The following GNPTAB variants were observed in gnomAD, a reference collection of about 807,000 sequenced individuals.
The protein encoded by GNPTAB is N-acetylglucosamine-1-phosphate transferase subunits alpha and beta.
A neutral mutation model predicts 136.6 loss-of-function variants in GNPTAB; 92 were observed. The observed-to-expected ratio is 0.67, with a 90% CI of 0.57 to 0.80. GNPTAB has a LOEUF of 0.80. Among genes scored for constraint, GNPTAB ranks in the 30% least tolerant of loss-of-function variants. GNPTAB has a pLI of 0.00. For synonymous variants in GNPTAB, 512 were observed against 535.1 expected (o/e 0.96, Z 0.60); for missense variants, 1,343 against 1,501.8 (o/e 0.89, Z 1.75).
chr12:101,794,428 C>T (rs1221880841), intron 2 of GNPTAB, among the ~76,000 whole-genome samples: 4 of 151,798 alleles, frequency 2.6e-5, no homozygotes, highest in South Asian at 2.1e-4. Flanking sequence ...GTAAGAGGAT[C>T]GCTTGAAGTC....
chr12:101,810,491 T>C (rs1327126359), intron 1 of GNPTAB: 1 of 145,636 alleles, frequency 6.9e-6, no homozygotes, highest in East Asian at 2.1e-4. Flanking sequence ...TAAATCCACA[T>C]TCTTTCTTTT....
chr12:101,815,931 A>G (rs1870493662), intron 1 of GNPTAB, among the ~76,000 whole-genome samples: 1 of 152,264 alleles, frequency 6.6e-6, no homozygotes, highest in Admixed American at 6.5e-5. Flanking sequence ...AAAAGTGCCA[A>G]GAACATACGA....
chr12:101,755,991 G>T (rs1952895550), intron 18 of GNPTAB, among the ~76,000 whole-genome samples: 1 of 152,132 alleles, frequency 6.6e-6, no homozygotes, highest in Non-Finnish European at 1.5e-5. Context: ...ATGACGGAGA[G>T]AACTCATCAA....
chr12:101,794,091 C>T (rs1160788283), intron 2 of GNPTAB, among the ~76,000 whole-genome samples: 1 of 152,162 alleles, frequency 6.6e-6, no homozygotes, highest in East Asian at 1.9e-4. Context: ...GATGTGCCCA[C>T]CTTGGCCTCC....
chr12:101,824,437 C>CT (rs757768467), intron 1 of GNPTAB, among the ~76,000 whole-genome samples: 6,525 of 46,960 alleles, frequency 0.14, 703 homozygotes, highest in African/African-American at 0.21. Flanking sequence ...TATATATTTT[C>CT]TTTTTTTTTT....
At chr12:101,757,831 A>G (rs921568466) in intron 16 of GNPTAB, among the ~76,000 whole-genome samples, 174 bp from the exon 17 acceptor site, 23 of 152,300 alleles carry the variant, frequency 1.5e-4, no homozygotes, top group Non-Finnish European at 3.4e-4. Flanking sequence ...CTGGCAAACA[A>G]TTACTACCAT....
intron 1 of GNPTAB, among the ~76,000 whole-genome samples, chr12:101,808,717 C>A (rs1328053349): frequency 6.6e-6 from 1 of 152,112 alleles, no homozygotes; most frequent in African/African-American, 2.4e-5. Flanking sequence ...GAGGCTGAGG[C>A]GAGTGGATCA....
At chr12:101,786,281 T>G in intron 4 of GNPTAB, 64 bp from the exon 5 acceptor site, 1 of 1,288,692 alleles carries the variant, frequency 7.8e-7, no homozygotes, top group Non-Finnish European at 1.1e-6. Flanking sequence ...ATGAGAAGCT[T>G]GTCATACTAC....
At chr12:101,828,434 C>A (rs886721521) in intron 1 of GNPTAB, among the ~76,000 whole-genome samples, 6 of 152,104 alleles carry the variant, frequency 3.9e-5, no homozygotes, top group African/African-American at 1.4e-4. Flanking sequence ...CCAAAGCAAG[C>A]GAATCATGAG....
rs367581012 is a variant in GNPTAB at position 101,815,965 on chromosome 12, T to A, written c.117+14594A>T. Among the ~76,000 whole-genome samples the A allele has an allele frequency of 2.6e-5, 4 of 152,288 alleles. No individual in the cohort carries two copies. The South Asian group carries it at 8.3e-4, about 32-fold the overall frequency. ...GATGGGGAAAGGACAGTCTCTTTAA[T>A]ACATGGTGCTGGGAAAAAGGATTTC... On this transcript the variant is annotated intron_variant, in intron 1 of 20. Coordinates refer to ENST00000299314, the MANE Select transcript of GNPTAB (RefSeq NM_024312.5).
chr12:101,771,815 G>A (rs945029293), intron 7 of GNPTAB, among the ~76,000 whole-genome samples: 4 of 152,110 alleles, frequency 2.6e-5, no homozygotes, highest in African/African-American at 9.7e-5. Context: ...AATGATTTTT[G>A]ACTTCTTTGC....
chr12:101,758,516 C>CACT (rs1366798830), intron 16 of GNPTAB, among the ~76,000 whole-genome samples: 13 of 152,254 alleles, frequency 8.5e-5, no homozygotes, highest in African/African-American at 3.1e-4. Flanking sequence ...CTGCTAATCC[C>CACT]ACTAGAGCAA....
In GNPTAB at chr12:101,766,186, T is replaced by A. The variant is rs776297380; in HGVS notation, c.1517A>T (p.Asn506Ile). 4 of 1,614,080 alleles carry A rather than the reference T, an allele frequency of 2.5e-6. No individual in the cohort carries two copies. The highest frequency in any genetic ancestry group is 1.6e-4 in the Middle Eastern group (1 of 6,062). The change falls in exon 12 of 21, where the codon AAT (asparagine) becomes ATT (isoleucine). Residue 506 changes from asparagine to isoleucine, a missense_variant. Physicochemically the swap from Asn to Ile is moderately radical, Grantham distance 149. Coordinates refer to ENST00000299314, the MANE Select transcript of GNPTAB (RefSeq NM_024312.5). ...GGGINSVSYCNQGCANSWLAD... is the reference protein window; with the variant it reads ...GGGINSVSYCIQGCANSWLAD... ...GAGCCAGGAATTCGCACATCCCTGA[T>A]TACAGTAAGAGACACTGTTTATTCC... is the stretch of plus-strand genomic sequence containing the variant.
chr12:101,801,538 TCAAAAAAA>T (rs1869626143), intron 1 of GNPTAB, among the ~76,000 whole-genome samples: 1 of 9,194 alleles, frequency 1.1e-4, no homozygotes, highest in African/African-American at 5.8e-4. Flanking sequence ...AGACCCTGTC[TCAAAAAAA>T]AAAAAAAAAA....
At position 101,771,246 on chromosome 12, in the gene GNPTAB, CT is replaced by C. The variant is rs367687458; in HGVS notation, c.772-90del. On this transcript the variant is annotated intron_variant, in intron 7 of 20. Coordinates refer to ENST00000299314, the MANE Select transcript of GNPTAB (RefSeq NM_024312.5). ...TTCCCACTCTGCTCTTTAATCTTTC[CT>C]TTTTTTTTTTTTTTTGAGACACAGT... The C allele has an allele frequency of 0.15, 120,582 of 811,676 alleles. 35 individuals are homozygous for C. The highest frequency in any genetic ancestry group is 0.17 in the South Asian group (9,243 of 55,288). The allele number at this position is 811,676 out of a possible 1,614,324, so 50.3% of individuals were successfully genotyped here.
At position 101,790,039 on chromosome 12, in the gene GNPTAB, C is replaced by T. The variant is rs144607483; in HGVS notation, c.222G>A (p.Pro74=). 41 of 1,614,130 alleles carry T rather than the reference C, an allele frequency of 2.5e-5. No homozygotes were observed. In the African/African-American group the frequency reaches 3.1e-4, roughly 12 times the overall value. The change falls in exon 3 of 21, where the codon CCG becomes CCA. Residue 74 remains proline, a synonymous_variant. Coordinates refer to ENST00000299314, the MANE Select transcript of GNPTAB (RefSeq NM_024312.5). ...SFQNRLCLPM[P]IDVVYTWVNG... The stretch of plus-strand genomic sequence containing the variant: ...TCACCCAGGTGTAAACAACGTCAAT[C>T]GGCATGGGCAGACAAAGCCTAGGGC...
Position 101,824,405 on chromosome 12 carries a change from C to CATATATATATATATATATATAT in GNPTAB, c.117+6132_117+6153dup, listed in dbSNP as rs373112951. On this transcript the variant is annotated intron_variant, in intron 1 of 20. Transcript: ENST00000299314. The stretch of plus-strand genomic sequence containing the variant: ...GATCCACTCCTGCCAGAAATTTCAC[C>CATATATATATATATATATATAT]ATATATATATATATATATATATATA... Among the ~76,000 whole-genome samples, 64 of 47,804 alleles carry CATATATATATATATATATATAT rather than the reference C, an allele frequency of 1.3e-3. 1 individual carries two copies. The highest frequency in any genetic ancestry group is 0.013 in the Middle Eastern group (1 of 76). The allele number at this position is 47,804 out of a possible 152,430, so 31.4% of individuals were successfully genotyped here. A position where few individuals can be genotyped will look rare whatever the true frequency, so the allele number is the denominator to read the frequency against.
chr12:101,755,827 T>C (rs762273024), intron 18 of GNPTAB, among the ~76,000 whole-genome samples: 6 of 152,244 alleles, frequency 3.9e-5, no homozygotes, highest in Non-Finnish European at 8.8e-5. Flanking sequence ...GGAAAAAGCC[T>C]GGCTTGCCAT....
At chr12:101,779,421 T>C (rs1156887832) in intron 7 of GNPTAB, 4 of 152,780 alleles carry the variant, frequency 2.6e-5, no homozygotes, top group Non-Finnish European at 5.8e-5. Flanking sequence ...GACTATGTCC[T>C]AAGTCAATCA....
Sources: allele counts gnomAD v4.1 joint callset (sites outside exome capture counted in the v4.1 genomes callset), GRCh38; gene constraint gnomAD v4.1.1; transcripts MANE v1.5; gene names NCBI Gene and HGNC (gene_info 2026-07-23, HGNC 2026-07-21).